Variants in LIMD1 observed in about 807,000 individuals in gnomAD.
LIMD1 encodes the protein LIM domain containing 1.
Under a neutral mutation model 58.4 loss-of-function variants are expected in LIMD1, and 23 were observed. The ratio of observed to expected loss-of-function variants is 0.39; its 90% confidence interval spans 0.28 to 0.56. LIMD1 has a LOEUF of 0.56. Among genes scored for constraint, LIMD1 ranks in the 20% least tolerant of loss-of-function variants. LIMD1 has a pLI of 0.57. For missense variants in LIMD1, 838 were observed against 855.5 expected, an observed-to-expected ratio of 0.98 and a Z score of 0.25; for synonymous variants, 334 against 345.5, an observed-to-expected ratio of 0.97 and a Z score of 0.37.
intron 1 of LIMD1, among the ~76,000 whole-genome samples, chr3:45,608,092 G>T (rs1383418543): frequency 6.6e-6 from 1 of 152,248 alleles, no homozygotes; most frequent in Non-Finnish European, 1.5e-5. Flanking sequence ...CAGGGCATTT[G>T]CTGACAGTTA....
intron 2 of LIMD1, among the ~76,000 whole-genome samples, chr3:45,655,977 T>C (rs1190715050): frequency 2.6e-5 from 4 of 152,224 alleles, no homozygotes; most frequent in African/African-American, 9.6e-5. Context: ...AATCCCAACA[T>C]GATGGTATTT....
intron 2 of LIMD1, among the ~76,000 whole-genome samples, chr3:45,647,671 C>T (rs2125662218): frequency 6.6e-6 from 1 of 152,350 alleles, no homozygotes; most frequent in South Asian, 2.1e-4. Flanking sequence ...GGTCTCTGGG[C>T]ACAGCAGCGA....
rs1559510625 is a variant in LIMD1, at chr3:45,594,804, C to CACACACACACACACACACACGGCACCTGG, written c.-56_-55insGGCACCTGGACACACACACACACACACAC. 3 of 313,598 alleles carry CACACACACACACACACACACGGCACCTGG rather than the reference C, an allele frequency of 9.6e-6. No individual in the cohort carries two copies. Among genetic ancestry groups the CACACACACACACACACACACGGCACCTGG allele is most frequent in the African/African-American group, 6.9e-5 (3 of 43,580 alleles). The allele number at this position is 313,598 out of a possible 1,614,324, so 19.4% of individuals were successfully genotyped here. A position where few individuals can be genotyped will look rare whatever the true frequency, so the allele number is the denominator to read the frequency against. ...ACACACACACACACACACACACACA[C>CACACACACACACACACACACGGCACCTGG]ACACACACACACACACACACACACA... is the stretch of plus-strand genomic sequence containing the variant. On this transcript the variant is annotated 5_prime_UTR_variant, in exon 1 of 8. Coordinates refer to ENST00000273317, the MANE Select transcript of LIMD1 (RefSeq NM_014240.3).
At chr3:45,636,896 T>G (rs767222009) in intron 2 of LIMD1, among the ~76,000 whole-genome samples, 2 of 152,242 alleles carry the variant, frequency 1.3e-5, no homozygotes, top group African/African-American at 2.4e-5. Flanking sequence ...TCTAACACAT[T>G]GCATGCTTGC....
intron 2 of LIMD1, among the ~76,000 whole-genome samples, chr3:45,651,026 A>C (rs1433470930): frequency 2.9e-5 from 4 of 135,698 alleles, no homozygotes; most frequent in Non-Finnish European, 6.4e-5. Flanking sequence ...AATAATCGCC[A>C]TTCTAACTGA....
Position 45,602,047 on chromosome 3 carries a change from A to G in LIMD1, c.1408+5760A>G, listed in dbSNP as rs570333220. On this transcript the variant is annotated intron_variant, in intron 1 of 7. Transcript: ENST00000273317. ...AAGCTCCGCCTCCCAGGTTCAAGCC[A>G]TTCTCCTGCCTCAGCCTCCCGGGTA... 2.3e-4 allele frequency among the ~76,000 whole-genome samples: 34 copies of G among 150,624 alleles called. No homozygotes were observed. The East Asian group carries it at 6.3e-3, about 28-fold the overall frequency.
chr3:45,620,108 C>G (rs1384291700), intron 1 of LIMD1, among the ~76,000 whole-genome samples: 4 of 152,042 alleles, frequency 2.6e-5, no homozygotes, highest in African/African-American at 2.4e-5. Flanking sequence ...GAATGTTGCA[C>G]TACTCAGCCT....
Position 45,595,190 on chromosome 3 carries a change from AGCCTCCTCT to A in LIMD1, c.312_320del (p.Lys104_Leu107delinsAsn). ...AAGCTGACTGTGGATGGTGCTGCCA[AGCCTCCTCT>A]TGCTGCCTCGACAGGGGCACCTGGG... On this transcript the variant is annotated inframe_deletion, in exon 1 of 8. Transcript: ENST00000273317. 1 of 1,603,276 alleles carries A rather than the reference AGCCTCCTCT, an allele frequency of 6.2e-7. No individual in the cohort carries two copies. The highest frequency in any genetic ancestry group is 8.5e-7 in the Non-Finnish European group (1 of 1,174,606).
At position 45,677,192 on chromosome 3, in the gene LIMD1, G is replaced by C. The variant is rs1697683548; in HGVS notation, c.*133G>C. 1.8e-5 allele frequency: 18 copies of C among 980,820 alleles called. No individual in the cohort carries two copies. Among genetic ancestry groups the C allele is most frequent in the Non-Finnish European group, 2.7e-5 (18 of 663,148 alleles). The allele number at this position is 980,820 out of a possible 1,614,324, so 60.8% of individuals were successfully genotyped here. On this transcript the variant is annotated 3_prime_UTR_variant, in exon 8 of 8. Transcript: ENST00000273317. The stretch of plus-strand genomic sequence containing the variant: ...GAGGGAGAGTTCCTGTGAGCATGTG[G>C]GGGGTGCCTTTCCTTTAACCAGGGA...
In LIMD1 at chr3:45,595,912, C is replaced by A; in HGVS notation, c.1033C>A (p.Leu345Ile). ...GTTCCAGGATGGGCCCAAATCTTAC[C>A]TTTCCAGTTCTGCCCCGTCATCCTC... ...PWFQDGPKSY[L>I]SSSAPSSSPA... The change falls in exon 1 of 8, where the codon CTT becomes ATT. Residue 345 changes from leucine (L) to isoleucine (I), a missense_variant. By Grantham distance (5) the Leu-to-Ile change is conservative (BLOSUM62 2). Transcript: ENST00000273317. The A allele has an allele frequency of 3.7e-6, 6 of 1,614,224 alleles. No homozygotes were observed. Among genetic ancestry groups the A allele is most frequent in the Non-Finnish European group, 5.1e-6 (6 of 1,180,036 alleles).
At chr3:45,665,609 A>T (rs766653493) in intron 2 of LIMD1, 41 bp from the exon 3 acceptor site, 4 of 1,559,586 alleles carry the variant, frequency 2.6e-6, no homozygotes, top group Non-Finnish European at 3.5e-6. Context: ...GCATATTAAA[A>T]TTTTTCTTTT....
chr3:45,677,160 G>A lies in LIMD1; in HGVS notation c.*101G>A. ...GTGGAAGTGGGGTAGGGGAAGAGGAGGGGCAGGAGGGAGAGTTCCTGTGAG... is the reference window on the plus strand; with the variant it reads ...GTGGAAGTGGGGTAGGGGAAGAGGAAGGGCAGGAGGGAGAGTTCCTGTGAG... On this transcript the variant is annotated 3_prime_UTR_variant, in exon 8 of 8. Transcript: ENST00000273317. The A allele has an allele frequency of 7.4e-7, 1 of 1,358,020 alleles. No homozygotes were observed. Among genetic ancestry groups the A allele is most frequent in the Non-Finnish European group, 1.0e-6 (1 of 980,462 alleles). The allele number at this position is 1,358,020 out of a possible 1,614,324, so 84.1% of individuals were successfully genotyped here.
At position 45,595,320 on chromosome 3, in the gene LIMD1, C is replaced by T; in HGVS notation, c.441C>T (p.Asp147=). ...YLHGTRHGSQ[D]CGSRESLATS... ...ATGGCACGAGGCATGGCAGCCAGGA[C>T]TGTGGTTCCAGGGAGAGCCTGGCGA... The change falls in exon 1 of 8, where the codon GAC becomes GAT. Residue 147 remains aspartate (D), a synonymous_variant. Coordinates refer to ENST00000273317, the MANE Select transcript of LIMD1 (RefSeq NM_014240.3). The T allele has an allele frequency of 6.2e-7, 1 of 1,613,576 alleles. No individual in the cohort carries two copies. The highest frequency in any genetic ancestry group is 2.2e-5 in the East Asian group (1 of 44,890).
intron 2 of LIMD1, among the ~76,000 whole-genome samples, chr3:45,643,889 T>A (rs1197207718): frequency 6.6e-6 from 1 of 152,254 alleles, no homozygotes; most frequent in Non-Finnish European, 1.5e-5. Flanking sequence ...TGTAACCTAC[T>A]GTTTGTATTG....
chr3:45,661,400 A>G (rs1190953874), intron 2 of LIMD1, among the ~76,000 whole-genome samples: 1 of 152,194 alleles, frequency 6.6e-6, no homozygotes, highest in East Asian at 1.9e-4. Flanking sequence ...CTGTCAATAA[A>G]TATTTTTTTG....
At chr3:45,653,777 G>GCC (rs1701997007) in intron 2 of LIMD1, among the ~76,000 whole-genome samples, 1 of 151,838 alleles carries the variant, frequency 6.6e-6, no homozygotes, top group Non-Finnish European at 1.5e-5. Context: ...GGGAGTGATG[G>GCC]TGCATGCCTG....
At chr3:45,656,462 A>G (rs1203153953) in intron 2 of LIMD1, among the ~76,000 whole-genome samples, 1 of 151,800 alleles carries the variant, frequency 6.6e-6, no homozygotes, top group Admixed American at 6.6e-5. Flanking sequence ...ATCAGAAAAA[A>G]AAAAAAAAGC....
chr3:45,597,287 C>T (rs547308991), intron 1 of LIMD1, among the ~76,000 whole-genome samples: 1 of 152,270 alleles, frequency 6.6e-6, no homozygotes, highest in Non-Finnish European at 1.5e-5. Context: ...TGGGACCCAG[C>T]CAGCCGTGAT....
intron 6 of LIMD1, chr3:45,673,725 G>A (rs938906183): frequency 1.0e-5 from 6 of 581,594 alleles, no homozygotes; most frequent in Middle Eastern, 4.5e-4. Context: ...AACAGCCTGG[G>A]CAACATAGCA....
Sources: gnomAD v4.1 joint callset for allele counts (sites outside exome capture counted in the v4.1 genomes callset) on GRCh38, gnomAD v4.1.1 for gene constraint, MANE v1.5 for transcripts, NCBI Gene and HGNC (gene_info 2026-07-23, HGNC 2026-07-21) for gene names.